PRKCQ: variants seen among roughly 807,000 people sequenced by gnomAD.
The protein encoded by PRKCQ is protein kinase C theta.
PRKCQ carries 41 observed loss-of-function variants against 91.2 expected under a neutral mutation model. The observed-to-expected ratio is 0.45, with a 90% CI of 0.35 to 0.58. PRKCQ has a LOEUF of 0.58. Among genes scored for constraint, PRKCQ ranks in the 20% least tolerant of loss-of-function variants. PRKCQ has a pLI of 0.00. For synonymous variants in PRKCQ, 307 were observed against 316.9 expected (o/e 0.97, Z 0.33); for missense variants, 673 against 896.5 (o/e 0.75, Z 3.18).
intron 1 of PRKCQ, among the ~76,000 whole-genome samples, chr10:6,552,586 TC>T (rs1840231670): frequency 6.6e-6 from 1 of 151,990 alleles, no homozygotes; most frequent in Admixed American, 6.6e-5. Flanking sequence ...CCCTTCAGTG[TC>T]CCAACTAGTT....
intron 13 of PRKCQ, among the ~76,000 whole-genome samples, chr10:6,463,237 A>C (rs1280094120): frequency 6.6e-6 from 1 of 152,190 alleles, no homozygotes; most frequent in African/African-American, 2.4e-5. Context: ...GACAAGGTTA[A>C]AGGAAATGAG....
In PRKCQ at chr10:6,435,641, T is replaced by C. The variant is rs149051954; in HGVS notation, c.1837-4703A>G. Among the ~76,000 whole-genome samples, 198 of 152,330 alleles carry C rather than the reference T, an allele frequency of 1.3e-3. 2 individuals carry two copies. The East Asian group carries it at 0.031, about 24-fold the overall frequency. On this transcript the variant is annotated intron_variant, in intron 16 of 17. Transcript: ENST00000263125. ...AATCTTTTGGCTTCCTTGGGCCGCA[T>C]TGGAAGAAGGATTGTCTTGGGCCAC...
At chr10:6,405,828 G>GT in the PRKCQ span, among the ~76,000 whole-genome samples, 18 of 152,192 alleles carry the variant, frequency 1.2e-4, no homozygotes, top group Non-Finnish European at 1.9e-4. Flanking sequence ...TCTATGACTG[G>GT]TGCACCCATG....
intron 11 of PRKCQ, among the ~76,000 whole-genome samples, chr10:6,483,184 G>T (rs1281885948): frequency 6.6e-6 from 1 of 152,178 alleles, no homozygotes; most frequent in African/African-American, 2.4e-5. Context: ...GGTGCCCAAA[G>T]ACATCAAACT....
downstream of PRKCQ, among the ~76,000 whole-genome samples, chr10:6,422,614 G>A (rs545598737): frequency 1.3e-5 from 2 of 152,298 alleles, no homozygotes; most frequent in African/African-American, 4.8e-5. Context: ...GTCGTCAGGG[G>A]TTAAATGAGG....
chr10:6,398,631 A>G, the PRKCQ span, among the ~76,000 whole-genome samples: 1 of 152,210 alleles, frequency 6.6e-6, no homozygotes, highest in East Asian at 1.9e-4. Flanking sequence ...CATTTCCTCC[A>G]TGTCATGGCC....
chr10:6,429,995 T>C (rs1833330335), intron 17 of PRKCQ, among the ~76,000 whole-genome samples: 3 of 152,148 alleles, frequency 2.0e-5, no homozygotes, highest in Admixed American at 1.3e-4. Flanking sequence ...GCCAGGATTA[T>C]AGGCGCCCGC....
intron 12 of PRKCQ, among the ~76,000 whole-genome samples, chr10:6,467,043 G>A (rs1229904020): frequency 1.3e-5 from 2 of 152,004 alleles, no homozygotes; most frequent in African/African-American, 2.4e-5. Context: ...TAGTGTGTGT[G>A]GAAATGAATC....
intron 15 of PRKCQ, among the ~76,000 whole-genome samples, chr10:6,444,480 T>C (rs532041015): frequency 6.6e-5 from 10 of 152,250 alleles, no homozygotes; most frequent in African/African-American, 1.9e-4. Context: ...AAATTTTTTT[T>C]AATGGAAAAG....
chr10:6,471,234 G>A (rs910053679), intron 12 of PRKCQ, among the ~76,000 whole-genome samples: 1 of 148,350 alleles, frequency 6.7e-6, no homozygotes, highest in Non-Finnish European at 1.5e-5. Flanking sequence ...AGCGAAACAT[G>A]CATCTTGGTA....
At chr10:6,455,945 T>G (rs774144946) in intron 15 of PRKCQ, among the ~76,000 whole-genome samples, 2 of 152,170 alleles carry the variant, frequency 1.3e-5, no homozygotes, top group African/African-American at 2.4e-5. Context: ...GCAGGGAGAT[T>G]TGAAGATGAA....
At chr10:6,556,581 T>C (rs1317955022) in intron 1 of PRKCQ, among the ~76,000 whole-genome samples, 1 of 151,970 alleles carries the variant, frequency 6.6e-6, no homozygotes, top group African/African-American at 2.4e-5. Context: ...GAGCTTCTGC[T>C]TGGGTCATGA....
chr10:6,488,221 A>G (rs992166149), intron 8 of PRKCQ, among the ~76,000 whole-genome samples: 6 of 152,204 alleles, frequency 3.9e-5, no homozygotes, highest in African/African-American at 9.7e-5. Context: ...CAGGCGCTCA[A>G]CAAATACAAC....
chr10:6,407,815 C>A, the PRKCQ span, among the ~76,000 whole-genome samples: 1 of 152,150 alleles, frequency 6.6e-6, no homozygotes, highest in Admixed American at 6.5e-5. This position sits in a 1 kb window ranked among gnomAD's most constrained non-coding sequence, Gnocchi z 4.0. Context: ...CCACCTAACT[C>A]ATTCTCCCTA....
the PRKCQ span, among the ~76,000 whole-genome samples, chr10:6,412,282 T>C: frequency 6.6e-6 from 1 of 152,162 alleles, no homozygotes; most frequent in Non-Finnish European, 1.5e-5. Context: ...GGCAAAGGAG[T>C]GTTTAGTTAT....
At chr10:6,484,932 C>T (rs986390776) in intron 10 of PRKCQ, among the ~76,000 whole-genome samples, 1 of 152,150 alleles carries the variant, frequency 6.6e-6, no homozygotes, top group African/African-American at 2.4e-5. Context: ...TGTGGTTGTT[C>T]CCTCCAGACC....
At chr10:6,394,657 C>A in the PRKCQ span, among the ~76,000 whole-genome samples, 12 of 144,226 alleles carry the variant, frequency 8.3e-5, no homozygotes, top group African/African-American at 3.4e-4. Flanking sequence ...CACGGTGGGT[C>A]AGCTGTTGAA....
chr10:6,538,041 G>A (rs755912580), intron 1 of PRKCQ, among the ~76,000 whole-genome samples: 12 of 152,236 alleles, frequency 7.9e-5, no homozygotes, highest in Non-Finnish European at 1.5e-4. Flanking sequence ...CTCTCTTGGG[G>A]CTTACTGCCT....
intron 1 of PRKCQ, among the ~76,000 whole-genome samples, chr10:6,562,300 GACA>G (rs1840665066): frequency 6.6e-6 from 1 of 152,172 alleles, no homozygotes; most frequent in East Asian, 1.9e-4. Flanking sequence ...TCCCTGAAAA[GACA>G]ACAACTTCCG....
Sources: gnomAD v4.1 joint callset for allele counts (sites outside exome capture counted in the v4.1 genomes callset) on GRCh38, gnomAD v4.1.1 for gene constraint, Gnocchi (gnomAD v3.1) non-coding constraint, MANE v1.5 for transcripts, NCBI Gene and HGNC (gene_info 2026-07-23, HGNC 2026-07-21) for gene names.